Variants in DNAJC24 observed in about 807,000 individuals in gnomAD.
The protein encoded by DNAJC24 is dnaJ homolog subfamily C member 24.
Under a neutral mutation model 18.0 loss-of-function variants are expected in DNAJC24, and 17 were observed. The ratio of observed to expected loss-of-function variants is 0.94; its 90% CI spans 0.65 to 1.42. The LOEUF (loss-of-function observed/expected upper bound fraction) is 1.42, where lower values mean the gene tolerates loss of function less well. Ranked by LOEUF, DNAJC24 falls within the 40% of genes most tolerant of loss-of-function variation. The pLI, the probability that DNAJC24 is intolerant of heterozygous loss-of-function variation, is 0.00. For missense variants in DNAJC24, 158 were observed against 175.6 expected, an observed-to-expected ratio of 0.90 and a Z score of 0.57; for synonymous variants, 55 against 57.7, an observed-to-expected ratio of 0.95 and a Z score of 0.21.
chr11:31,416,304 A>T (rs1952751066), intron 3 of DNAJC24: 1 of 152,178 alleles, frequency 6.6e-6, no homozygotes, highest in South Asian at 2.1e-4. Flanking sequence ...ACTTTTTGCA[A>T]AAGAATGTAG....
In DNAJC24 at chr11:31,398,638, C is replaced by G. The variant is rs183094237; in HGVS notation, c.112-16173C>G. On this transcript the variant is annotated intron_variant, in intron 2 of 4. Transcript: ENST00000465995. ...ATCTTGTTTACTGTTTTTTTCCCAT[C>G]TCAGGGGTAAAGCACCCAAGGGAAT... Among the ~76,000 whole-genome samples the G allele has an allele frequency of 1.4e-3, 207 of 152,198 alleles. 1 individual carries two copies. Among genetic ancestry groups the G allele is most frequent in the African/African-American group, 4.6e-3 (190 of 41,518 alleles).
At chr11:31,406,005 G>T (rs553340396) in intron 2 of DNAJC24, among the ~76,000 whole-genome samples, 2 of 152,164 alleles carry the variant, frequency 1.3e-5, no homozygotes, top group Non-Finnish European at 2.9e-5. Context: ...AATCACTGCT[G>T]AAAGGTACTA....
chr11:31,382,843 C>T (rs1233015786), intron 2 of DNAJC24, among the ~76,000 whole-genome samples: 1 of 152,158 alleles, frequency 6.6e-6, no homozygotes, highest in Non-Finnish European at 1.5e-5. Context: ...CCATAAGACT[C>T]CCCTCCATGT....
intron 3 of DNAJC24, chr11:31,422,139 A>G (rs1952812089): frequency 4.3e-6 from 1 of 234,190 alleles, no homozygotes; most frequent in Non-Finnish European, 8.7e-6. Context: ...TCAAGTAAGC[A>G]CATACATTAT....
At position 31,432,644 on chromosome 11, in the gene DNAJC24, T is replaced by G; in HGVS notation, c.*2243T>G. 1 of 992,588 alleles carries G rather than the reference T, an allele frequency of 1.0e-6. No homozygotes were observed. The highest frequency in any genetic ancestry group is 1.6e-6 in the Non-Finnish European group (1 of 618,758). 61.5% of individuals were successfully genotyped at this position (992,588 alleles called of 1,614,324 possible). A position where few individuals can be genotyped will look rare whatever the true frequency, so the allele number is the denominator to read the frequency against. ...TATCATCATATTCCCTTTTGCTATCTGTCCCTTTTCTCTATGCCAGATAAA... is the reference window on the plus strand; with the variant it reads ...TATCATCATATTCCCTTTTGCTATCGGTCCCTTTTCTCTATGCCAGATAAA... On this transcript the variant is annotated 3_prime_UTR_variant, in exon 5 of 5. Coordinates refer to ENST00000465995, the MANE Select transcript of DNAJC24 (RefSeq NM_181706.5).
At chr11:31,410,600 T>G (rs780699105) in intron 2 of DNAJC24, among the ~76,000 whole-genome samples, 1 of 152,238 alleles carries the variant, frequency 6.6e-6, no homozygotes, top group Non-Finnish European at 1.5e-5. Context: ...CAAAGCACTG[T>G]GTGCCTACCC....
At chr11:31,392,422 C>A (rs1373557271) in intron 2 of DNAJC24, among the ~76,000 whole-genome samples, 2 of 152,036 alleles carry the variant, frequency 1.3e-5, no homozygotes, top group African/African-American at 4.8e-5. Flanking sequence ...AGTCATAAGG[C>A]CCACTCCTAG....
At chr11:31,377,373 C>A (rs1221405531) in intron 2 of DNAJC24, among the ~76,000 whole-genome samples, 3 of 151,956 alleles carry the variant, frequency 2.0e-5, no homozygotes, top group African/African-American at 7.2e-5. Flanking sequence ...TTTAAAGATA[C>A]ATATTTACGT....
At chr11:31,409,183 T>G (rs1952681781) in intron 2 of DNAJC24, among the ~76,000 whole-genome samples, 1 of 152,232 alleles carries the variant, frequency 6.6e-6, no homozygotes, top group Non-Finnish European at 1.5e-5. Flanking sequence ...AAATTCCTTA[T>G]TTTTCCTTTA....
At chr11:31,375,696 C>T (rs1391578418) in intron 2 of DNAJC24, among the ~76,000 whole-genome samples, 1 of 134,600 alleles carries the variant, frequency 7.4e-6, no homozygotes, top group African/African-American at 2.5e-5. Flanking sequence ...TTGCAATAGC[C>T]GGTTTATTTG....
At chr11:31,407,706 A>AATATATATATATATAT (rs869293205) in intron 2 of DNAJC24, among the ~76,000 whole-genome samples, 1 of 61,690 alleles carries the variant, frequency 1.6e-5, no homozygotes. Context: ...AAAAAAAAAA[A>AATATATATATATATAT]ATATATATAT....
At chr11:31,375,329 T>C (rs1392287784) in intron 2 of DNAJC24, among the ~76,000 whole-genome samples, 2 of 135,462 alleles carry the variant, frequency 1.5e-5, no homozygotes, top group African/African-American at 5.0e-5. Flanking sequence ...ATGATCTTAG[T>C]TGTAATCGTG....
intron 2 of DNAJC24, among the ~76,000 whole-genome samples, chr11:31,381,223 T>C (rs192897095): frequency 6.6e-6 from 1 of 152,280 alleles, no homozygotes; most frequent in Non-Finnish European, 1.5e-5. Context: ...AATCCCCTTT[T>C]ACTGGTTAAG....
intron 2 of DNAJC24, among the ~76,000 whole-genome samples, chr11:31,372,046 C>T (rs916006967): frequency 2.6e-5 from 4 of 151,908 alleles, no homozygotes; most frequent in African/African-American, 7.3e-5. Context: ...TGGTCTCGAA[C>T]ACCTGACCTC....
At chr11:31,402,591 G>T (rs142985013) in intron 2 of DNAJC24, among the ~76,000 whole-genome samples, 1 of 152,166 alleles carries the variant, frequency 6.6e-6, no homozygotes, top group African/African-American at 2.4e-5. Context: ...TAACTCCAGC[G>T]TCAACCTCCT....
rs1952188015 is a variant in DNAJC24 at position 31,369,878 on chromosome 11, G to C, written c.-68G>C. 1 of 152,692 alleles carries C rather than the reference G, an allele frequency of 6.5e-6. No homozygotes were observed. Among genetic ancestry groups the C allele is most frequent in the Non-Finnish European group, 1.5e-5 (1 of 68,124 alleles). 9.5% of individuals were successfully genotyped at this position (152,692 alleles called of 1,614,324 possible). On this transcript the variant is annotated 5_prime_UTR_variant, in exon 1 of 5. Transcript: ENST00000465995. Reference sequence around the variant, plus strand: ...GGTCCGGAGTTCTGGCCGACAGCAGGCGAGGAGTGGGTAGCAGCGCCTATG... The same window carrying C: ...GGTCCGGAGTTCTGGCCGACAGCAGCCGAGGAGTGGGTAGCAGCGCCTATG...
Position 31,414,681 on chromosome 11 carries a change from C to T in DNAJC24, c.112-130C>T, listed in dbSNP as rs1952737599. 3 of 937,082 alleles carry T rather than the reference C, an allele frequency of 3.2e-6. No homozygotes were observed. The East Asian group carries it at 7.6e-5, about 24-fold the overall frequency. 58.0% of individuals were successfully genotyped at this position (937,082 alleles called of 1,614,324 possible). On this transcript the variant is annotated intron_variant, in intron 2 of 4. Transcript: ENST00000465995. ...TCTCCTGTGCCCAACACTGTTGTCT[C>T]ATTGCCTTGGCATTTGGTTTTCATC...
chr11:31,420,587 G>T (rs568638281), intron 3 of DNAJC24, among the ~76,000 whole-genome samples: 2 of 152,226 alleles, frequency 1.3e-5, no homozygotes, highest in South Asian at 4.1e-4. Context: ...AGAGATAACA[G>T]CAGTTTAAAA....
intron 2 of DNAJC24, among the ~76,000 whole-genome samples, chr11:31,402,344 G>T (rs1274707808): frequency 6.6e-6 from 1 of 152,168 alleles, no homozygotes; most frequent in Non-Finnish European, 1.5e-5. Context: ...ACTGGAAGTT[G>T]CTGTGGGTGT....
Sources: allele counts gnomAD v4.1 joint callset (sites outside exome capture counted in the v4.1 genomes callset), GRCh38; gene constraint gnomAD v4.1.1; transcripts MANE v1.5; gene names NCBI Gene and HGNC (gene_info 2026-07-23, HGNC 2026-07-21).